The following FOCAD variants were observed in gnomAD, a reference collection of about 807,000 sequenced individuals.
FOCAD encodes the protein focadhesin.
A neutral mutation model predicts 225.6 loss-of-function variants in FOCAD; 198 were observed. The observed-to-expected ratio is 0.88, with a 90% confidence interval of 0.78 to 0.99. FOCAD has a LOEUF of 0.99. FOCAD is among the 50% of genes least tolerant of loss of function. FOCAD has a pLI of 0.00. For missense variants in FOCAD, 2,713 were observed against 2,123.6 expected (o/e 1.28, Z -5.46); for synonymous variants, 897 against 755.0 (o/e 1.19, Z -3.08).
intron 1 of FOCAD, among the ~76,000 whole-genome samples, chr9:20,690,420 A>G (rs975661579): frequency 2.0e-5 from 3 of 152,210 alleles, no homozygotes; most frequent in Non-Finnish European, 4.4e-5. Context: ...TGGTATAACT[A>G]TAATCCTGTC....
At chr9:20,944,085 TC>T (rs1306339710) in intron 28 of FOCAD, among the ~76,000 whole-genome samples, 1 of 152,234 alleles carries the variant, frequency 6.6e-6, no homozygotes, top group Non-Finnish European at 1.5e-5. Context: ...ACAAACAGTT[TC>T]TTTAGGAAAG....
At chr9:20,784,129 G>A (rs1391001647) in intron 10 of FOCAD, among the ~76,000 whole-genome samples, 1 of 152,154 alleles carries the variant, frequency 6.6e-6, no homozygotes, top group African/African-American at 2.4e-5. Flanking sequence ...GTCTGCTGGG[G>A]TGCCATAGGC....
Position 20,820,936 on chromosome 9 carries a change from C to T in FOCAD, c.1663-5C>T, listed in dbSNP as rs375077234. On this transcript the variant is annotated splice_polypyrimidine_tract_variant and splice_region_variant and intron_variant, in intron 13 of 43. Transcript: ENST00000338382. ...ACTACCTTTTTTGTAAAATTGCCTT[C>T]GTAGGACCGAGTCTATCCTGAACTG... 43 of 1,608,434 alleles carry T rather than the reference C, an allele frequency of 2.7e-5. 1 individual carries two copies. Among genetic ancestry groups the T allele is most frequent in the South Asian group, 1.9e-4 (17 of 90,292 alleles).
chr9:20,779,770 C>T (rs375155879), intron 9 of FOCAD, among the ~76,000 whole-genome samples: 3 of 151,580 alleles, frequency 2.0e-5, no homozygotes, highest in African/African-American at 4.8e-5. Context: ...AAAAAGTGTG[C>T]GAGATAAATA....
chr9:20,978,576 G>A (rs545351448), intron 37 of FOCAD, 122 bp downstream of exon 37: 7 of 609,052 alleles, frequency 1.1e-5, no homozygotes, highest in Middle Eastern at 2.7e-4. Flanking sequence ...CACAAAAATC[G>A]AGGGTTTGAT....
chr9:20,976,631 T>G, intron 36 of FOCAD, 83 bp downstream of exon 36: 1 of 1,389,844 alleles, frequency 7.2e-7, no homozygotes, highest in South Asian at 1.2e-5. Context: ...TGTCACAATG[T>G]GTAGTGACTG....
intron 21 of FOCAD, among the ~76,000 whole-genome samples, chr9:20,887,995 C>G (rs1831250283): frequency 6.7e-6 from 1 of 150,318 alleles, no homozygotes; most frequent in African/African-American, 2.4e-5. Flanking sequence ...TGTTTTCTTC[C>G]TGAAGTGTTT....
intron 28 of FOCAD, among the ~76,000 whole-genome samples, chr9:20,937,460 C>G (rs76846063): frequency 0.094 from 14,093 of 150,674 alleles, 857 homozygotes; most frequent in Non-Finnish European, 0.14. Flanking sequence ...ACAAAGCTGA[C>G]AAAAACAAGC....
In FOCAD at chr9:20,981,680, G is replaced by T; in HGVS notation, c.4632G>T (p.Lys1544Asn). 3 of 1,604,372 alleles carry T rather than the reference G, an allele frequency of 1.9e-6. No individual in the cohort carries two copies. The highest frequency in any genetic ancestry group is 2.6e-6 in the Non-Finnish European group (3 of 1,175,808). ...TGKIFDLLPN[K>N]IRRKDLELYI... ...AAATTTTTGACCTCCTGCCAAATAA[G>T]ATTCGGGTGAGGAACAAAAATATTT... Residue 1544 changes from lysine to asparagine, a missense_variant, in exon 38 of 44, where the codon AAG becomes AAT. Transcript: ENST00000338382.
chr9:20,756,395 T>G (rs1587035967), intron 5 of FOCAD, among the ~76,000 whole-genome samples: 1 of 152,168 alleles, frequency 6.6e-6, no homozygotes, highest in Non-Finnish European at 1.5e-5. Context: ...AATGTACTCT[T>G]CTGTTTTTAA....
intron 37 of FOCAD, among the ~76,000 whole-genome samples, 164 bp downstream of exon 37, chr9:20,978,618 A>C (rs990476466): frequency 1.3e-5 from 2 of 152,220 alleles, no homozygotes; most frequent in African/African-American, 4.8e-5. Flanking sequence ...AAAATTATAT[A>C]GTTCAGAACC....
At chr9:20,859,146 G>A (rs969822695) in intron 15 of FOCAD, among the ~76,000 whole-genome samples, 1 of 152,040 alleles carries the variant, frequency 6.6e-6, no homozygotes, top group African/African-American at 2.4e-5. Context: ...AGGCCGACGT[G>A]GGTGGGTCAC....
chr9:20,960,028 A>G (rs563105498), intron 35 of FOCAD, among the ~76,000 whole-genome samples: 5 of 152,320 alleles, frequency 3.3e-5, no homozygotes, highest in Admixed American at 2.0e-4. Context: ...CAGGGGCACT[A>G]TTCAAGTTTC....
chr9:20,879,040 C>T (rs966399297), intron 19 of FOCAD, among the ~76,000 whole-genome samples: 1 of 152,110 alleles, frequency 6.6e-6, no homozygotes. Flanking sequence ...CTCCCCTGTA[C>T]ACTACTCAGA....
intron 8 of FOCAD, among the ~76,000 whole-genome samples, chr9:20,773,192 T>C (rs112464478): frequency 2.0e-5 from 3 of 152,324 alleles, no homozygotes; most frequent in African/African-American, 7.2e-5. Context: ...GACCATTTTA[T>C]TGTGTATTTC....
intron 11 of FOCAD, among the ~76,000 whole-genome samples, chr9:20,805,389 T>G (rs1347889643): frequency 1.3e-5 from 2 of 152,198 alleles, no homozygotes; most frequent in African/African-American, 2.4e-5. Context: ...TGTCAATCCA[T>G]TTGTTATAGT....
At chr9:20,862,552 G>T (rs759558048) in intron 15 of FOCAD, 26 bp from the exon 16 acceptor site, 4 of 1,610,168 alleles carry the variant, frequency 2.5e-6, no homozygotes, top group Non-Finnish European at 3.4e-6. Flanking sequence ...CTTGTTAGGT[G>T]TTGACCTTTT....
At chr9:20,718,776 A>G (rs763356335) in intron 3 of FOCAD, among the ~76,000 whole-genome samples, 7 of 152,176 alleles carry the variant, frequency 4.6e-5, no homozygotes, top group Non-Finnish European at 7.4e-5. Flanking sequence ...TTGAATGTCA[A>G]ATCCCTGTAA....
At chr9:20,754,220 A>G (rs531883704) in intron 5 of FOCAD, among the ~76,000 whole-genome samples, 1 of 152,322 alleles carries the variant, frequency 6.6e-6, no homozygotes, top group Admixed American at 6.5e-5. Context: ...AAATGTAATA[A>G]TCAACTCTTG....
Sources: gnomAD v4.1 joint callset for allele counts (sites outside exome capture counted in the v4.1 genomes callset) on GRCh38, gnomAD v4.1.1 for gene constraint, MANE v1.5 for transcripts, NCBI Gene and HGNC (gene_info 2026-07-23, HGNC 2026-07-21) for gene names.